MYH9: variants seen among roughly 807,000 people sequenced by gnomAD.
The protein encoded by MYH9 is myosin heavy chain 9.
A neutral mutation model predicts 241.9 loss-of-function variants in MYH9; 29 were observed. The ratio of observed to expected loss-of-function variants is 0.12; its 90% confidence interval spans 0.09 to 0.16. The LOEUF is 0.16. Among genes scored for constraint, MYH9 ranks in the 10% least tolerant of loss-of-function variants. The probability of loss-of-function intolerance (pLI) is 1.00; values close to 1 mark genes in which losing one functional copy is unlikely to be tolerated. For missense variants in MYH9, 1,803 were observed against 2,595.5 expected (o/e 0.69, Z 6.63); for synonymous variants, 1,047 against 1,062.6 (o/e 0.99, Z 0.29).
Position 36,318,754 on chromosome 22 carries a change from C to T in MYH9, c.1109-429G>A, listed in dbSNP as rs181664310. Among the ~76,000 whole-genome samples the T allele has an allele frequency of 9.2e-5, 14 of 152,252 alleles. 1 individual carries two copies. In the East Asian group the frequency reaches 2.5e-3, roughly 27 times the overall value. ...GCTGGGGCACGGAACAGCACAGGAT[C>T]CCACAGGAATGTCTTTTTTTTTTTT... On this transcript the variant is annotated intron_variant, in intron 10 of 40. Coordinates refer to ENST00000216181, the MANE Select transcript of MYH9 (RefSeq NM_002473.6).
At chr22:36,315,911 G>A (rs2017142574) in intron 12 of MYH9, among the ~76,000 whole-genome samples, 1 of 151,932 alleles carries the variant, frequency 6.6e-6, no homozygotes, top group Admixed American at 6.6e-5. Flanking sequence ...GGTGGTGCGT[G>A]CCTATAGTTC....
chr22:36,301,100 T>C (rs778058530), intron 21 of MYH9, 43 bp from the exon 22 acceptor site: 11 of 1,559,486 alleles, frequency 7.1e-6, no homozygotes, highest in Admixed American at 5.3e-5. Context: ...CGCAACACCC[T>C]CAAGCCACTC....
intron 31 of MYH9, among the ~76,000 whole-genome samples, chr22:36,290,079 T>C (rs6000228): frequency 0.18 from 28,056 of 152,092 alleles, 7,846 homozygotes; most frequent in African/African-American, 0.61. Context: ...CCTCAGCTGC[T>C]CTCAGATCTT....
At chr22:36,361,104 AGTGGGGG>A (rs2146405944) in intron 1 of MYH9, among the ~76,000 whole-genome samples, 1 of 152,316 alleles carries the variant, frequency 6.6e-6, no homozygotes, top group South Asian at 2.1e-4. Context: ...GCTAACAAGG[AGTGGGGG>A]GCTCCTCCCA....
chr22:36,286,075 C>G, intron 35 of MYH9, 122 bp from the exon 36 acceptor site: 1 of 1,001,636 alleles, frequency 1.0e-6, no homozygotes, highest in African/African-American at 1.6e-5. Context: ...GAAGCCCTTC[C>G]TCCAGAAACC....
intron 1 of MYH9, among the ~76,000 whole-genome samples, chr22:36,374,183 G>A (rs1011288646): frequency 6.6e-6 from 1 of 152,026 alleles, no homozygotes; most frequent in Non-Finnish European, 1.5e-5. Context: ...AGGAGTTCAA[G>A]ACCAGCCCAG....
At chr22:36,325,055 A>G (rs752975979) in intron 5 of MYH9, 7 of 771,052 alleles carry the variant, frequency 9.1e-6, no homozygotes, top group Non-Finnish European at 1.7e-5. Context: ...ATTTTACTGC[A>G]AATTCAGAGA....
intron 1 of MYH9, among the ~76,000 whole-genome samples, chr22:36,353,937 G>A (rs1219837326): frequency 1.3e-5 from 2 of 152,104 alleles, no homozygotes; most frequent in African/African-American, 4.8e-5. Flanking sequence ...GTCTTGCTCT[G>A]TCACCCAGGC....
chr22:36,308,776 A>G, intron 15 of MYH9: 1 of 975,248 alleles, frequency 1.0e-6, no homozygotes, highest in Non-Finnish European at 1.2e-6. Context: ...CGCACCACAC[A>G]CACAAGAGAC....
At chr22:36,369,134 G>A (rs2018054654) in intron 1 of MYH9, among the ~76,000 whole-genome samples, 1 of 152,168 alleles carries the variant, frequency 6.6e-6, no homozygotes, top group African/African-American at 2.4e-5. Context: ...AGGACACACA[G>A]CTAGTCAATG....
Position 36,303,985 on chromosome 22 carries a change from C to A in MYH9, c.2390+10G>T. On this transcript the variant is annotated intron_variant, in intron 19 of 40. Transcript: ENST00000216181. ...TGGCATGCGGGGCAGGAGTATCTCC[C>A]GGGACTCACTTCCTGGCCAGGTAGC... The A allele has an allele frequency of 1.2e-6, 2 of 1,613,178 alleles. No homozygotes were observed. Among genetic ancestry groups the A allele is most frequent in the Non-Finnish European group, 1.7e-6 (2 of 1,179,924 alleles).
chr22:36,293,178 G>T lies in MYH9; in HGVS notation c.4095+151C>A. 1 of 861,336 alleles carries T rather than the reference G, an allele frequency of 1.2e-6. No individual in the cohort carries two copies. The highest frequency in any genetic ancestry group is 1.8e-6 in the Non-Finnish European group (1 of 552,384). The allele number at this position is 861,336 out of a possible 1,614,324, so 53.4% of individuals were successfully genotyped here. A position where few individuals can be genotyped will look rare whatever the true frequency, so the allele number is the denominator to read the frequency against. On this transcript the variant is annotated intron_variant, in intron 30 of 40. Transcript: ENST00000216181. The surrounding 1 kb of genome is among the most constrained non-coding windows in gnomAD (Gnocchi z 5.1). ...GATCCCTGGATTCCTTTCCTTGAGA[G>T]CACTGATGTGGGAGAGCACGGTTGG...
chr22:36,287,893 G>A (rs1042364409), intron 34 of MYH9, among the ~76,000 whole-genome samples: 1 of 152,214 alleles, frequency 6.6e-6, no homozygotes, highest in African/African-American at 2.4e-5. Flanking sequence ...GCTGCTTCTT[G>A]GAACCATCGC....
At chr22:36,319,372 A>G (rs530768791) in intron 10 of MYH9, among the ~76,000 whole-genome samples, 168 bp downstream of exon 10, 47 of 152,300 alleles carry the variant, frequency 3.1e-4, no homozygotes, top group African/African-American at 1.1e-3. Context: ...TGGTGAGAAA[A>G]AAAAGCAGGG....
intron 2 of MYH9, among the ~76,000 whole-genome samples, chr22:36,345,457 T>C (rs1481485622): frequency 6.6e-6 from 1 of 152,026 alleles, no homozygotes; most frequent in African/African-American, 2.4e-5. Flanking sequence ...TTAAGGGCTC[T>C]GCTTTACTGA....
In MYH9 at chr22:36,304,173, G is replaced by A. The variant is rs1332564132; in HGVS notation, c.2230-18C>T. The A allele has an allele frequency of 2.5e-6, 4 of 1,612,934 alleles. No individual in the cohort carries two copies. The highest frequency in any genetic ancestry group is 1.7e-5 in the Admixed American group (1 of 60,000). Reference sequence around the variant, plus strand: ...GCTTTTATCTAGGTGGGAGGAGCAGGCCGTTTACCTGGCCAGCAACTGGCC... The same window carrying A: ...GCTTTTATCTAGGTGGGAGGAGCAGACCGTTTACCTGGCCAGCAACTGGCC... On this transcript the variant is annotated intron_variant, in intron 18 of 40. Coordinates refer to ENST00000216181, the MANE Select transcript of MYH9 (RefSeq NM_002473.6).
At chr22:36,321,117 T>A (rs957166306) in intron 7 of MYH9, among the ~76,000 whole-genome samples, 1 of 152,132 alleles carries the variant, frequency 6.6e-6, no homozygotes, top group African/African-American at 2.4e-5. Flanking sequence ...CACACCCAGC[T>A]AATTTTTAGT....
At chr22:36,322,402 G>A in intron 6 of MYH9, 27 bp downstream of exon 6, 2 of 1,612,180 alleles carry the variant, frequency 1.2e-6, no homozygotes, top group Non-Finnish European at 1.7e-6. Context: ...TCTGTCCCCA[G>A]AGCCGGGGCG....
chr22:36,342,022 T>A (rs919792755), intron 2 of MYH9, among the ~76,000 whole-genome samples: 2 of 152,242 alleles, frequency 1.3e-5, no homozygotes, highest in Non-Finnish European at 2.9e-5. Flanking sequence ...CACTGTGTCC[T>A]AAACCAATTA....
Sources: allele counts gnomAD v4.1 joint callset (sites outside exome capture counted in the v4.1 genomes callset), GRCh38; gene constraint gnomAD v4.1.1; non-coding constraint Gnocchi (gnomAD v3.1); transcripts MANE v1.5; gene names NCBI Gene and HGNC (gene_info 2026-07-23, HGNC 2026-07-21).